Variants in TGFA observed in about 807,000 individuals in gnomAD.
The protein encoded by TGFA is transforming growth factor alpha.
In TGFA, 12 loss-of-function variants were observed where a neutral mutation model predicts 21.7. The ratio of observed to expected loss-of-function variants is 0.55; its 90% CI spans 0.35 to 0.90. The LOEUF (loss-of-function observed/expected upper bound fraction) is 0.90, where lower values mean the gene tolerates loss of function less well. TGFA is among the 40% of genes least tolerant of loss of function. The pLI is 0.01. For synonymous variants in TGFA, 79 were observed against 88.1 expected (o/e 0.90, Z 0.58); for missense variants, 178 against 210.8 (o/e 0.84, Z 0.96).
At chr2:70,459,091 G>T (rs950148795) in intron 3 of TGFA, among the ~76,000 whole-genome samples, 1 of 152,174 alleles carries the variant, frequency 6.6e-6, no homozygotes, top group East Asian at 1.9e-4. Context: ...CGTATAGGAA[G>T]GTGAGCAACC....
chr2:70,539,545 C>A (rs1673075670), intron 1 of TGFA, among the ~76,000 whole-genome samples: 1 of 152,180 alleles, frequency 6.6e-6, no homozygotes, highest in Non-Finnish European at 1.5e-5. Flanking sequence ...ACCTCCGCCT[C>A]CTAGGTTCAA....
At chr2:70,504,241 A>G (rs908604357) in intron 2 of TGFA, among the ~76,000 whole-genome samples, 1 of 150,584 alleles carries the variant, frequency 6.6e-6, no homozygotes, top group Non-Finnish European at 1.5e-5. Flanking sequence ...GCAAAAACTC[A>G]CCTCTAAAAA....
chr2:70,458,937 A>C (rs1217592347), intron 3 of TGFA, among the ~76,000 whole-genome samples: 5 of 152,200 alleles, frequency 3.3e-5, no homozygotes, highest in Non-Finnish European at 7.3e-5. Context: ...TGGGCTTTGG[A>C]ATGGATTATC....
chr2:70,491,581 A>G (rs1553497640), intron 2 of TGFA, among the ~76,000 whole-genome samples: 1 of 152,200 alleles, frequency 6.6e-6, no homozygotes, highest in East Asian at 1.9e-4. Flanking sequence ...TTCAAAAAGT[A>G]TGAAAGTGTA....
intron 2 of TGFA, among the ~76,000 whole-genome samples, chr2:70,485,752 T>G (rs1301624838): frequency 6.6e-6 from 1 of 152,186 alleles, no homozygotes; most frequent in East Asian, 1.9e-4. Flanking sequence ...TGTCTTTGTA[T>G]GCTACAAAGA....
chr2:70,480,847 C>T (rs1037063480), intron 2 of TGFA, among the ~76,000 whole-genome samples: 2 of 151,644 alleles, frequency 1.3e-5, no homozygotes, highest in African/African-American at 2.4e-5. Flanking sequence ...CAGGATTCCC[C>T]GTGAGGAAAA....
At chr2:70,547,896 A>G (rs4852649) in intron 1 of TGFA, among the ~76,000 whole-genome samples, 49,973 of 148,946 alleles carry the variant, frequency 0.34, 8,958 homozygotes, top group East Asian at 0.6. Context: ...TAGATAGTAT[A>G]CTATAAAGAA....
chr2:70,500,953 G>T, intron 2 of TGFA, among the ~76,000 whole-genome samples: 1 of 137,168 alleles, frequency 7.3e-6, no homozygotes, highest in African/African-American at 2.9e-5. Flanking sequence ...TGTTGCCTGT[G>T]CTTTTAGGGC....
At chr2:70,540,244 A>G (rs1238261162) in intron 1 of TGFA, among the ~76,000 whole-genome samples, 2 of 152,222 alleles carry the variant, frequency 1.3e-5, no homozygotes, top group African/African-American at 4.8e-5. Context: ...ACTGGAATAC[A>G]CTTTATCTTC....
At chr2:70,485,058 C>A (rs1671228491) in intron 2 of TGFA, among the ~76,000 whole-genome samples, 2 of 152,324 alleles carry the variant, frequency 1.3e-5, no homozygotes, top group South Asian at 4.1e-4. Context: ...AGCCCACAGG[C>A]AGAAACTGAA....
intron 2 of TGFA, among the ~76,000 whole-genome samples, chr2:70,495,077 A>G (rs2103796444): frequency 6.6e-6 from 1 of 152,376 alleles, no homozygotes; most frequent in African/African-American, 2.4e-5. Flanking sequence ...CCATTTAAAA[A>G]GTATTTCAAT....
intron 2 of TGFA, among the ~76,000 whole-genome samples, chr2:70,505,236 TC>T (rs1671884796): frequency 6.6e-6 from 1 of 152,218 alleles, no homozygotes; most frequent in Non-Finnish European, 1.5e-5. Flanking sequence ...CTGTGGGGTC[TC>T]ACACAATTTT....
intron 1 of TGFA, among the ~76,000 whole-genome samples, chr2:70,534,884 G>T (rs1672925691): frequency 6.6e-6 from 1 of 152,154 alleles, no homozygotes; most frequent in African/African-American, 2.4e-5. Context: ...AGGCACCTCA[G>T]CATCCACAGC....
Position 70,463,623 on chromosome 2 carries a change from G to C in TGFA, c.215+1993C>G, listed in dbSNP as rs116636366. Among the ~76,000 whole-genome samples, 662 of 152,254 alleles carry C rather than the reference G, an allele frequency of 4.3e-3. 3 individuals carry two copies. The highest frequency in any genetic ancestry group is 0.014 in the African/African-American group (592 of 41,536). Reference sequence around the variant, plus strand: ...CTGACTCACTTTGGGTCAGAACTTGGTAAAGACCTGCCCTTTTTCTCCAAA... The same window carrying C: ...CTGACTCACTTTGGGTCAGAACTTGCTAAAGACCTGCCCTTTTTCTCCAAA... On this transcript the variant is annotated intron_variant, in intron 3 of 5. Coordinates refer to ENST00000295400, the MANE Select transcript of TGFA (RefSeq NM_003236.4).
intron 1 of TGFA, among the ~76,000 whole-genome samples, chr2:70,544,486 C>T (rs1295188148): frequency 2.0e-5 from 3 of 151,958 alleles, no homozygotes; most frequent in Non-Finnish European, 4.4e-5. Context: ...GAAAAAAAAG[C>T]TTTTATATAC....
At chr2:70,512,833 G>A (rs1672144899) in intron 2 of TGFA, among the ~76,000 whole-genome samples, 1 of 152,192 alleles carries the variant, frequency 6.6e-6, no homozygotes, top group Non-Finnish European at 1.5e-5. Flanking sequence ...CCTTCTCTAT[G>A]CATGGCAGTG....
At chr2:70,550,560 C>G (rs1265077289) in intron 1 of TGFA, among the ~76,000 whole-genome samples, 3 of 152,112 alleles carry the variant, frequency 2.0e-5, no homozygotes, top group African/African-American at 7.2e-5. Context: ...GTGGCTCACG[C>G]CTGTAATCCC....
chr2:70,506,468 CAG>C (rs781889422), intron 2 of TGFA, among the ~76,000 whole-genome samples: 4 of 152,176 alleles, frequency 2.6e-5, no homozygotes, highest in Non-Finnish European at 5.9e-5. Context: ...TGCATTTCAA[CAG>C]AGTCAGCAGG....
At chr2:70,501,633 C>T (rs964789145) in intron 2 of TGFA, among the ~76,000 whole-genome samples, 4 of 152,138 alleles carry the variant, frequency 2.6e-5, no homozygotes, top group African/African-American at 4.8e-5. Context: ...TTTTCTTCCA[C>T]GTTGTCCCCC....
Sources: gnomAD v4.1 joint callset for allele counts (sites outside exome capture counted in the v4.1 genomes callset) on GRCh38, gnomAD v4.1.1 for gene constraint, MANE v1.5 for transcripts, NCBI Gene and HGNC (gene_info 2026-07-23, HGNC 2026-07-21) for gene names.